HERC6: variants seen among roughly 807,000 people sequenced by gnomAD.
HERC6 encodes the protein HECT and RLD domain containing E3 ubiquitin protein ligase family member 6.
Under a neutral mutation model 114.5 loss-of-function variants are expected in HERC6, and 101 were observed. That is an observed-to-expected ratio of 0.88 (90% confidence interval 0.75 to 1.04). The LOEUF is 1.04. HERC6 is among the 50% of genes least tolerant of loss of function. The probability of loss-of-function intolerance (pLI) is 0.00; values close to 1 mark genes in which losing one functional copy is unlikely to be tolerated. For missense variants in HERC6, 1,133 were observed against 1,230.9 expected, an observed-to-expected ratio of 0.92 and a Z score of 1.19; for synonymous variants, 408 against 436.2, an observed-to-expected ratio of 0.94 and a Z score of 0.81.
At chr4:88,381,643 C>T (rs983215383) in intron 1 of HERC6, among the ~76,000 whole-genome samples, 4 of 150,926 alleles carry the variant, frequency 2.7e-5, no homozygotes, top group Admixed American at 6.6e-5. Context: ...CTGCAACCTC[C>T]GCCTCCCCAG....
intron 19 of HERC6, among the ~76,000 whole-genome samples, chr4:88,437,401 G>C (rs990820032): frequency 2.6e-5 from 4 of 151,994 alleles, no homozygotes; most frequent in Non-Finnish European, 5.9e-5. Flanking sequence ...TGTACCGCAA[G>C]ACTTTCCCCT....
chr4:88,380,540 A>C (rs1734262801), intron 1 of HERC6, among the ~76,000 whole-genome samples: 1 of 144,652 alleles, frequency 6.9e-6, no homozygotes, highest in East Asian at 2.0e-4. Context: ...AATATGATGA[A>C]ACCCCATCTC....
intron 5 of HERC6, among the ~76,000 whole-genome samples, chr4:88,394,474 CAAAAA>C (rs781425955): frequency 3.3e-4 from 14 of 42,874 alleles, no homozygotes; most frequent in Admixed American, 2.5e-3. Flanking sequence ...CTCTCCTGTC[CAAAAA>C]AAAAAAAAAA....
At chr4:88,380,434 A>T (rs1338748802) in intron 1 of HERC6, among the ~76,000 whole-genome samples, 3 of 120,730 alleles carry the variant, frequency 2.5e-5, no homozygotes, top group African/African-American at 9.5e-5. Flanking sequence ...TATACACATA[A>T]TAGGCCGGAC....
At chr4:88,412,006 C>T (rs1736130597) in intron 11 of HERC6, among the ~76,000 whole-genome samples, 1 of 152,188 alleles carries the variant, frequency 6.6e-6, no homozygotes. Context: ...AGAAAAACGA[C>T]TGGCAAGGTG....
chr4:88,379,801 T>A (rs1234695401), intron 1 of HERC6, among the ~76,000 whole-genome samples: 2 of 84,270 alleles, frequency 2.4e-5, no homozygotes, highest in Non-Finnish European at 4.0e-5. Context: ...TAAATATATA[T>A]AATATATAAA....
Position 88,429,656 on chromosome 4 carries a change from C to T in HERC6, c.2106+906C>T, listed in dbSNP as rs764377978. ...AGGGAGTGGATTTTCTCGATGTCAG[C>T]CATGAGAGGAAGAGTTGGGCTGTTA... On this transcript the variant is annotated intron_variant, in intron 16 of 22. Transcript: ENST00000264346. 2.0e-5 allele frequency among the ~76,000 whole-genome samples: 3 copies of T among 152,028 alleles called. No homozygotes were observed. The South Asian group carries it at 6.2e-4, about 32-fold the overall frequency.
rs992498745 is a variant in HERC6 at position 88,404,946 on chromosome 4, A to C, written c.1163A>C (p.Glu388Ala). ...AGCCGAATTAGCCAGTCCATGGCAGAAAAATGGATAGCAGTGAAAAGAAGA... is the reference window on the plus strand; with the variant it reads ...AGCCGAATTAGCCAGTCCATGGCAGCAAAATGGATAGCAGTGAAAAGAAGA... Reference protein sequence around the residue: ...EISRISQSMAEKWIAVKRRST... With the variant: ...EISRISQSMAAKWIAVKRRST... The change falls in exon 9 of 23, where the codon GAA (glutamate) becomes GCA (alanine). Residue 388 changes from glutamate (E) to alanine (A), a missense_variant. Coordinates refer to ENST00000264346, the MANE Select transcript of HERC6 (RefSeq NM_017912.4). 1 of 1,613,224 alleles carries C rather than the reference A, an allele frequency of 6.2e-7. No individual in the cohort carries two copies. Among genetic ancestry groups the C allele is most frequent in the Non-Finnish European group, 8.5e-7 (1 of 1,179,482 alleles).
At chr4:88,390,987 T>A (rs1734892135) in intron 4 of HERC6, 108 bp downstream of exon 4, 1 of 872,882 alleles carries the variant, frequency 1.1e-6, no homozygotes, top group African/African-American at 1.7e-5. Flanking sequence ...CCCAAACTTG[T>A]GACACATTCG....
At chr4:88,381,327 C>T (rs1009285860) in intron 1 of HERC6, among the ~76,000 whole-genome samples, 5 of 151,918 alleles carry the variant, frequency 3.3e-5, no homozygotes, top group African/African-American at 7.3e-5. Context: ...AATTTACATG[C>T]GTGGGAATTT....
At position 88,379,222 on chromosome 4, in the gene HERC6, GGGTGAGGGGCGCGGGGGCCCA is replaced by G. The variant is rs1734032957; in HGVS notation, c.199+107_199+127del. ...AACCGGGTGCGGAGCGCTGGGACCC[GGGTGAGGGGCGCGGGGGCCCA>G]GGTGCAGGGAGCGGCTCAGATGCTG... On this transcript the variant is annotated intron_variant, in intron 1 of 22. Transcript: ENST00000264346. 5.2e-6 allele frequency: 5 copies of G among 970,590 alleles called. No individual in the cohort carries two copies. The Admixed American group carries it at 1.2e-4, about 24-fold the overall frequency. The allele number at this position is 970,590 out of a possible 1,614,324, so 60.1% of individuals were successfully genotyped here.
intron 16 of HERC6, among the ~76,000 whole-genome samples, chr4:88,430,467 G>A (rs1738072661): frequency 6.6e-6 from 1 of 151,964 alleles, no homozygotes; most frequent in Non-Finnish European, 1.5e-5. Flanking sequence ...CTACTCGGGA[G>A]GCTGAGGCAG....
intron 3 of HERC6, among the ~76,000 whole-genome samples, chr4:88,388,765 C>A (rs1734733520): frequency 6.6e-6 from 1 of 151,988 alleles, no homozygotes; most frequent in African/African-American, 2.4e-5. Context: ...TCTTCCAGAC[C>A]TTTAGAGGTG....
chr4:88,400,052 C>T (rs905966275), intron 8 of HERC6, among the ~76,000 whole-genome samples: 3 of 152,092 alleles, frequency 2.0e-5, no homozygotes, highest in Non-Finnish European at 2.9e-5. Flanking sequence ...ACAAAGAGCT[C>T]GACAAGATGG....
Position 88,440,267 on chromosome 4 carries a change from T to TTAC in HERC6, c.2842+17_2842+18insTAC. The TTAC allele has an allele frequency of 2.4e-6, 3 of 1,261,342 alleles. No homozygotes were observed. The highest frequency in any genetic ancestry group is 1.5e-5 in the African/African-American group (1 of 67,714). 78.1% of individuals were successfully genotyped at this position (1,261,342 alleles called of 1,614,324 possible). ...AATTCCTCTGTAAGTACTGTGGTAC[T>TTAC]AGATGGACACATAATTATGTATCTT... is the stretch of plus-strand genomic sequence containing the variant. On this transcript the variant is annotated intron_variant, in intron 22 of 22. Transcript: ENST00000264346.
At chr4:88,381,367 G>A (rs765336375) in intron 1 of HERC6, among the ~76,000 whole-genome samples, 6 of 152,012 alleles carry the variant, frequency 3.9e-5, no homozygotes, top group Non-Finnish European at 5.9e-5. Context: ...CAAGTGCTTC[G>A]ACTTAGGAGC....
rs1232499584 is a variant in HERC6 at position 88,413,065 on chromosome 4, T to A, written c.1369-12T>A. 6.3e-7 allele frequency: 1 copy of A among 1,593,076 alleles called. No individual in the cohort carries two copies. ...ATCCTGGGTCTGTTCCCTGATCCTA[T>A]TTTTACCACAGATAACTACGTGTCT... On this transcript the variant is annotated splice_polypyrimidine_tract_variant and intron_variant, in intron 11 of 22. Coordinates refer to ENST00000264346, the MANE Select transcript of HERC6 (RefSeq NM_017912.4).
chr4:88,378,894 G>C lies in HERC6; in HGVS notation c.-28G>C, dbSNP rs1279530180. 2 of 1,548,612 alleles carry C rather than the reference G, an allele frequency of 1.3e-6. No homozygotes were observed. The highest frequency in any genetic ancestry group is 4.8e-5 in the East Asian group (2 of 42,088). ...TGTCGCAGCGGGACCGACGGAATCC[G>C]GAGCAGGCGACAGGGCGCAGAAGCG... is the stretch of plus-strand genomic sequence containing the variant. On this transcript the variant is annotated 5_prime_UTR_variant, in exon 1 of 23. Transcript: ENST00000264346.
At chr4:88,407,285 G>A (rs2148894750) in intron 10 of HERC6, among the ~76,000 whole-genome samples, 1 of 145,722 alleles carries the variant, frequency 6.9e-6, no homozygotes, top group Non-Finnish European at 1.5e-5. Flanking sequence ...TCACCACGTT[G>A]GGCCAGGCTG....
Sources: gnomAD v4.1 joint callset for allele counts (sites outside exome capture counted in the v4.1 genomes callset) on GRCh38, gnomAD v4.1.1 for gene constraint, MANE v1.5 for transcripts, NCBI Gene and HGNC (gene_info 2026-07-23, HGNC 2026-07-21) for gene names.